Variants in CD44 observed in about 807,000 individuals in gnomAD.
The protein encoded by CD44 is CD44 molecule (IN blood group), also known as CD44 antigen.
CD44 carries 49 observed loss-of-function variants against 88.8 expected under a neutral mutation model. That is an observed-to-expected ratio of 0.55 (90% CI 0.44 to 0.70). The LOEUF (loss-of-function observed/expected upper bound fraction) is 0.70. Ranked by LOEUF, CD44 falls within the 30% of genes least tolerant of loss-of-function variation. The probability of loss-of-function intolerance (pLI) is 0.00; values close to 1 mark genes in which losing one functional copy is unlikely to be tolerated. For missense variants in CD44, 883 were observed against 913.8 expected (o/e 0.97, Z 0.43); for synonymous variants, 325 against 312.3 (o/e 1.04, Z -0.43).
At chr11:35,175,279 G>C (rs185839916) in intron 1 of CD44, among the ~76,000 whole-genome samples, 424 of 152,298 alleles carry the variant, frequency 2.8e-3, no homozygotes, top group Middle Eastern at 0.01. Flanking sequence ...GCCATAATAA[G>C]AACATTTATA....
At position 35,198,251 on chromosome 11, in the gene CD44, G is replaced by A; in HGVS notation, c.922+5G>A. 1 of 1,613,588 alleles carries A rather than the reference G, an allele frequency of 6.2e-7. No homozygotes were observed. Among genetic ancestry groups the A allele is most frequent in the Non-Finnish European group, 8.5e-7 (1 of 1,179,662 alleles). On this transcript the variant is annotated splice_donor_5th_base_variant and intron_variant, in intron 7 of 17. Transcript: ENST00000428726. Reference sequence around the variant, plus strand: ...AAGATTTTATCTCCAGCACCAGTAAGAATAATCAATTACAGTACAGCCATT... The same window carrying A: ...AAGATTTTATCTCCAGCACCAGTAAAAATAATCAATTACAGTACAGCCATT...
intron 1 of CD44, among the ~76,000 whole-genome samples, chr11:35,147,839 A>C (rs1859477434): frequency 6.6e-6 from 1 of 152,150 alleles, no homozygotes; most frequent in Non-Finnish European, 1.5e-5. Context: ...CTGTAATCCC[A>C]GCACTTTGGG....
chr11:35,208,269 A>G (rs909946408), intron 12 of CD44, 63 bp downstream of exon 12: 10 of 1,084,990 alleles, frequency 9.2e-6, no homozygotes, highest in Admixed American at 3.4e-5. Flanking sequence ...CTTACTCGCT[A>G]TTGGCCAAGA....
rs1391335279 is a variant in CD44 at position 35,176,629 on chromosome 11, G to A, written c.122G>A (p.Arg41His). Reference sequence around the variant, plus strand: ...GTATTCCACGTGGAGAAAAATGGTCGCTACAGCATCTCTCGGACGGAGGCC... The same window carrying A: ...GTATTCCACGTGGAGAAAAATGGTCACTACAGCATCTCTCGGACGGAGGCC... Reference protein sequence around the residue: ...AGVFHVEKNGRYSISRTEAAD... With the variant: ...AGVFHVEKNGHYSISRTEAAD... The change falls in exon 2 of 18, where the codon CGC becomes CAC. Residue 41 changes from arginine (R) to histidine (H), a missense_variant. Arg to His is a conservative substitution (Grantham distance 29). Around this residue, in one of 2 missense-constraint regions of CD44, gnomAD observed 252 missense variants for 322.9 expected, o/e 0.78. Transcript: ENST00000428726. 1.9e-6 allele frequency: 3 copies of A among 1,613,976 alleles called. No homozygotes were observed. Among genetic ancestry groups the A allele is most frequent in the Non-Finnish European group, 2.5e-6 (3 of 1,179,984 alleles).
In CD44 at chr11:35,148,636, T is replaced by A. The variant is rs562112193; in HGVS notation, c.67+9266T>A. 4.6e-5 allele frequency among the ~76,000 whole-genome samples: 7 copies of A among 152,362 alleles called. No individual in the cohort carries two copies. In the South Asian group the frequency reaches 1.4e-3, roughly 32 times the overall value. On this transcript the variant is annotated intron_variant, in intron 1 of 17. Transcript: ENST00000428726. The stretch of plus-strand genomic sequence containing the variant: ...TTTAAAGGATGCCATGTAATGGTTA[T>A]CTCTTTTCTTTTGCCAGTGAGCATA...
intron 3 of CD44, among the ~76,000 whole-genome samples, chr11:35,181,410 C>T (rs1387316111): frequency 1.3e-5 from 2 of 151,930 alleles, no homozygotes. Context: ...CATGAATTTT[C>T]AGAATTTTTT....
At chr11:35,177,494 G>A (rs146940792) in intron 2 of CD44, among the ~76,000 whole-genome samples, 52 of 152,368 alleles carry the variant, frequency 3.4e-4, no homozygotes, top group African/African-American at 1.2e-3. Context: ...AGAGGACTGA[G>A]TAACCTCTGC....
intron 1 of CD44, among the ~76,000 whole-genome samples, chr11:35,159,988 G>A (rs1942397283): frequency 6.6e-6 from 1 of 152,160 alleles, no homozygotes; most frequent in South Asian, 2.1e-4. Context: ...GAACTCTTGG[G>A]AGGCATCTTC....
intron 1 of CD44, among the ~76,000 whole-genome samples, chr11:35,170,056 A>G (rs1229040597): frequency 6.6e-6 from 1 of 152,226 alleles, no homozygotes; most frequent in Non-Finnish European, 1.5e-5. Flanking sequence ...TAAGTGTGCA[A>G]TGCTCATTGG....
intron 1 of CD44, among the ~76,000 whole-genome samples, chr11:35,169,573 T>C (rs895673134): frequency 1.3e-5 from 2 of 152,050 alleles, no homozygotes; most frequent in Non-Finnish European, 2.9e-5. Flanking sequence ...CTCAGGAAAG[T>C]TTGGGAAGAC....
At chr11:35,187,452 A>G (rs758553117) in intron 4 of CD44, among the ~76,000 whole-genome samples, 4 of 152,012 alleles carry the variant, frequency 2.6e-5, no homozygotes, top group Non-Finnish European at 4.4e-5. Context: ...TTTTTTTGGC[A>G]TCTCTATATG....
intron 2 of CD44, among the ~76,000 whole-genome samples, chr11:35,177,892 G>A (rs76730960): frequency 0.098 from 14,884 of 152,236 alleles, 852 homozygotes; most frequent in African/African-American, 0.14. Context: ...GTTAGTCACC[G>A]ATGGCCAGTG....
chr11:35,213,271 T>A (rs535670658), intron 14 of CD44, among the ~76,000 whole-genome samples: 2 of 152,374 alleles, frequency 1.3e-5, no homozygotes, highest in South Asian at 4.1e-4. Flanking sequence ...GGACAGATTT[T>A]CCATAATTCT....
intron 12 of CD44, among the ~76,000 whole-genome samples, chr11:35,208,709 GAACAAC>G (rs1039033787): frequency 6.6e-6 from 1 of 152,006 alleles, no homozygotes; most frequent in African/African-American, 2.4e-5. Context: ...GGGATCCCTG[GAACAAC>G]AACAACAACA....
chr11:35,198,168 AATGAAG>A lies in CD44; in HGVS notation c.850_855del (p.Asp284_Glu285del). 2.5e-6 allele frequency: 4 copies of A among 1,614,098 alleles called. No individual in the cohort carries two copies. Among genetic ancestry groups the A allele is most frequent in the Non-Finnish European group, 3.4e-6 (4 of 1,179,940 alleles). ...AGCAGGCTGGGAGCCAAATGAAGAA[AATGAAG>A]ATGAAAGAGACAGACACCTCAGTTT... is the stretch of plus-strand genomic sequence containing the variant. On this transcript the variant is annotated inframe_deletion, in exon 7 of 18. Coordinates refer to ENST00000428726, the MANE Select transcript of CD44 (RefSeq NM_000610.4).
chr11:35,189,904 A>G lies in CD44; in HGVS notation c.506A>G (p.Tyr169Cys). 2.5e-6 allele frequency: 4 copies of G among 1,614,082 alleles called. No individual in the cohort carries two copies. In the South Asian group the frequency reaches 4.4e-5, roughly 18 times the overall value. The change falls in exon 5 of 18, where the codon TAC becomes TGC. Residue 169 changes from tyrosine (Y) to cysteine (C), a missense_variant. Transcript: ENST00000428726. ...TACAGAACGAATCCTGAAGACATCT[A>G]CCCCAGCAACCCTACTGATGATGAC... ...GEYRTNPEDI[Y>C]PSNPTDDDVS...
chr11:35,229,381 A>T lies in CD44; in HGVS notation c.*48A>T. The T allele has an allele frequency of 3.3e-6, 4 of 1,219,852 alleles. No homozygotes were observed. Among genetic ancestry groups the T allele is most frequent in the Non-Finnish European group, 4.8e-6 (4 of 829,784 alleles). The allele number at this position is 1,219,852 out of a possible 1,614,324, so 75.6% of individuals were successfully genotyped here. A position where few individuals can be genotyped will look rare whatever the true frequency, so the allele number is the denominator to read the frequency against. On this transcript the variant is annotated 3_prime_UTR_variant, in exon 18 of 18. Coordinates refer to ENST00000428726, the MANE Select transcript of CD44 (RefSeq NM_000610.4). ...AGAAACAACCGTTGGAAACATAACC[A>T]TTACAGGGAGCTGGGACACTTAACA...
intron 17 of CD44, among the ~76,000 whole-genome samples, chr11:35,226,742 T>C (rs1949712195): frequency 6.6e-6 from 1 of 152,124 alleles, no homozygotes; most frequent in Admixed American, 6.5e-5. Context: ...CACAATCCTA[T>C]GATATTGCTA....
intron 3 of CD44, among the ~76,000 whole-genome samples, chr11:35,183,348 A>G (rs1945341270): frequency 6.6e-6 from 1 of 151,918 alleles, no homozygotes; most frequent in African/African-American, 2.4e-5. Context: ...CAAAAAAAAA[A>G]AAAGAAAGAA....
Sources: allele counts gnomAD v4.1 joint callset (sites outside exome capture counted in the v4.1 genomes callset), GRCh38; gene constraint gnomAD v4.1.1; regional missense constraint gnomAD v4.1.1; transcripts MANE v1.5; gene names NCBI Gene and HGNC (gene_info 2026-07-23, HGNC 2026-07-21).